The following BAIAP3 variants were observed in gnomAD, a reference collection of about 807,000 sequenced individuals.
BAIAP3 encodes BAI1-associated protein 3.
BAIAP3 carries 180 observed loss-of-function variants against 149.7 expected under a neutral mutation model. The observed-to-expected ratio is 1.20, with a 90% CI of 1.07 to 1.36. The LOEUF is 1.36. Ranked by LOEUF, BAIAP3 falls within the 40% of genes most tolerant of loss-of-function variation. The pLI is 0.00. For missense variants in BAIAP3, 1,767 were observed against 1,563.4 expected (o/e 1.13, Z -2.20); for synonymous variants, 845 against 670.7 (o/e 1.26, Z -4.02).
intron 2 of BAIAP3, 57 bp from the exon 3 acceptor site, chr16:1,338,845 G>A: frequency 4.4e-6 from 7 of 1,605,134 alleles, no homozygotes; most frequent in Non-Finnish European, 6.0e-6. Flanking sequence ...GGAGTCGAGG[G>A]TCCCAGGCAG....
Position 1,349,374 on chromosome 16 carries a change from A to T in BAIAP3, c.*892A>T. Reference sequence around the variant, plus strand: ...AGAGCCGAGGCTGCCAGGCCCATTTATGTCCCTCATGTCTCTAGATTTTCT... The same window carrying T: ...AGAGCCGAGGCTGCCAGGCCCATTTTTGTCCCTCATGTCTCTAGATTTTCT... On this transcript the variant is annotated 3_prime_UTR_variant, in exon 34 of 34. Transcript: ENST00000426824. The T allele has an allele frequency of 1.3e-6, 2 of 1,558,740 alleles. No homozygotes were observed. Among genetic ancestry groups the T allele is most frequent in the Non-Finnish European group, 1.8e-6 (2 of 1,130,834 alleles).
Position 1,344,073 on chromosome 16 carries a change from C to T in BAIAP3, c.1438C>T (p.Leu480=). ...CGCCTTCTCTGAGTTCGGGCTGCAGCTGCTGCGCCAGCTCCGAGACTACTT... is the reference window on the plus strand; with the variant it reads ...CGCCTTCTCTGAGTTCGGGCTGCAGTTGCTGCGCCAGCTCCGAGACTACTT... ...LSAFSEFGLQ[L]LRQLRDYFPA... The change falls in exon 16 of 34, where the codon CTG becomes TTG. Residue 480 remains leucine, a synonymous_variant. Transcript: ENST00000426824. 6 of 1,612,358 alleles carry T rather than the reference C, an allele frequency of 3.7e-6. No homozygotes were observed. The highest frequency in any genetic ancestry group is 5.1e-6 in the Non-Finnish European group (6 of 1,179,922).
chr16:1,345,864 C>CA lies in BAIAP3; in HGVS notation c.2183dup (p.Leu730AlafsTer11), dbSNP rs1246011367. ...GGCGTGGCCTGACCCTGCCCAGGCT[C>CA]AGGGGCTGGGCACCCAGCTTGGCCA... On this transcript the variant is annotated frameshift_variant, in exon 23 of 34. Coordinates refer to ENST00000426824, the MANE Select transcript of BAIAP3 (RefSeq NM_001199097.2). LOFTEE classifies it high-confidence loss of function. 2 of 1,578,980 alleles carry CA rather than the reference C, an allele frequency of 1.3e-6. No homozygotes were observed. The highest frequency in any genetic ancestry group is 4.6e-5 in the East Asian group (2 of 43,448).
chr16:1,337,858 G>T (rs1251471325), intron 1 of BAIAP3, among the ~76,000 whole-genome samples: 6 of 152,182 alleles, frequency 3.9e-5, no homozygotes, highest in Admixed American at 3.3e-4. Flanking sequence ...GCCCTGCTTT[G>T]TGGGGACACT....
rs2034147900 is a variant in BAIAP3, at chr16:1,344,229, G to A, written c.1514G>A (p.Cys505Tyr). ...AVHRLELLLKCLGKLQLFQPS... is the reference protein window; with the variant it reads ...AVHRLELLLKYLGKLQLFQPS... ...GTCAGCGTGCTGCCCCCACCCAGGT[G>A]TCTGGGCAAGCTGCAGCTCTTCCAA... Residue 505 changes from cysteine to tyrosine, a missense_variant and splice_region_variant, in exon 17 of 34, where the codon TGT becomes TAT. Cys to Tyr is a radical substitution (Grantham distance 194). Coordinates refer to ENST00000426824, the MANE Select transcript of BAIAP3 (RefSeq NM_001199097.2). The A allele has an allele frequency of 6.2e-7, 1 of 1,613,314 alleles. No homozygotes were observed. The highest frequency in any genetic ancestry group is 1.3e-5 in the African/African-American group (1 of 74,944).
chr16:1,344,738 G>A (rs1037346319), intron 19 of BAIAP3, 40 bp downstream of exon 19: 40 of 1,587,940 alleles, frequency 2.5e-5, no homozygotes, highest in South Asian at 4.4e-5. Context: ...GGCTGGGGTC[G>A]GAGCCAACAG....
chr16:1,343,878 A>T (rs1596578253), intron 15 of BAIAP3, 144 bp from the exon 16 acceptor site: 1 of 1,314,578 alleles, frequency 7.6e-7, no homozygotes, highest in Non-Finnish European at 1.0e-6. Context: ...GGACAGGCCG[A>T]CTGGGCCTGT....
chr16:1,337,358 G>C (rs1304218673), intron 1 of BAIAP3, among the ~76,000 whole-genome samples: 1 of 152,162 alleles, frequency 6.6e-6, no homozygotes, highest in East Asian at 1.9e-4. Flanking sequence ...TCCACTGAAA[G>C]TACAAAAAAA....
intron 3 of BAIAP3, 76 bp downstream of exon 3, chr16:1,339,065 T>TG: frequency 6.2e-7 from 1 of 1,602,992 alleles, no homozygotes; most frequent in Non-Finnish European, 8.5e-7. Context: ...CGCTCCCTCC[T>TG]GCCCTCGCTC....
chr16:1,342,943 A>G lies in BAIAP3; in HGVS notation c.1192A>G (p.Ser398Gly), dbSNP rs1395656510. ...PNSSSWRGELSTPAATILCLH... is the reference protein window; with the variant it reads ...PNSSSWRGELGTPAATILCLH... ...CTCCAGCAGCTGGCGAGGAGAGCTCAGCACACCAGCCGCCACCATCCTCTG... is the reference window on the plus strand; with the variant it reads ...CTCCAGCAGCTGGCGAGGAGAGCTCGGCACACCAGCCGCCACCATCCTCTG... The change falls in exon 14 of 34, where the codon AGC (serine) becomes GGC (glycine). Residue 398 changes from serine (S) to glycine (G), a missense_variant. Coordinates refer to ENST00000426824, the MANE Select transcript of BAIAP3 (RefSeq NM_001199097.2). The G allele has an allele frequency of 1.2e-6, 2 of 1,612,094 alleles. No homozygotes were observed. Among genetic ancestry groups the G allele is most frequent in the Non-Finnish European group, 1.7e-6 (2 of 1,179,986 alleles).
intron 3 of BAIAP3, 54 bp from the exon 4 acceptor site, chr16:1,339,110 C>A (rs2141571506): frequency 6.3e-7 from 1 of 1,579,910 alleles, no homozygotes; most frequent in African/African-American, 1.3e-5. Flanking sequence ...TTCCCTGCTG[C>A]AGGCCTGGGG....
Position 1,348,478 on chromosome 16 carries a change from C to A in BAIAP3, c.3455C>A (p.Pro1152His), listed in dbSNP as rs1567175992. ...CTGGAGAAGTGCATGGAGGCGGACC[C>A]CTGAGTCCATCAGCTGCCAGCCCCG... ...KELEKCMEAD[P>H] Residue 1152 changes from proline to histidine, a missense_variant, in exon 34 of 34, where the codon CCC becomes CAC. Coordinates refer to ENST00000426824, the MANE Select transcript of BAIAP3 (RefSeq NM_001199097.2). 3.3e-5 allele frequency: 53 copies of A among 1,607,630 alleles called. No homozygotes were observed. The highest frequency in any genetic ancestry group is 4.4e-5 in the Non-Finnish European group (52 of 1,177,802).
Position 1,346,199 on chromosome 16 carries a change from C to G in BAIAP3, c.2331C>G (p.Leu777=), listed in dbSNP as rs376257369. 3.1e-6 allele frequency: 5 copies of G among 1,612,046 alleles called. No individual in the cohort carries two copies. The African/African-American group carries it at 5.3e-5, about 17-fold the overall frequency. ...GCGTGGTCCTCAACAATGTGGAGCT[C>G]GTGCGCAAGGCTGCTGGGCAGGCCT... ...ALCVVLNNVE[L]VRKAAGQALK... The change falls in exon 25 of 34, where the codon CTC becomes CTG. Residue 777 remains leucine (L), a synonymous_variant. Transcript: ENST00000426824.
In BAIAP3 at chr16:1,349,372, T is replaced by G; in HGVS notation, c.*890T>G. 6 of 1,581,170 alleles carry G rather than the reference T, an allele frequency of 3.8e-6. No individual in the cohort carries two copies. Among genetic ancestry groups the G allele is most frequent in the African/African-American group, 1.3e-5 (1 of 74,340 alleles). Reference sequence around the variant, plus strand: ...AAAGAGCCGAGGCTGCCAGGCCCATTTATGTCCCTCATGTCTCTAGATTTT... The same window carrying G: ...AAAGAGCCGAGGCTGCCAGGCCCATGTATGTCCCTCATGTCTCTAGATTTT... On this transcript the variant is annotated 3_prime_UTR_variant, in exon 34 of 34. Transcript: ENST00000426824.
chr16:1,340,860 C>A, intron 5 of BAIAP3, 62 bp from the exon 6 acceptor site: 2 of 1,520,870 alleles, frequency 1.3e-6, no homozygotes, highest in Non-Finnish European at 1.8e-6. Context: ...GAGGTCCCAG[C>A]ACAGTGGCCA....
In BAIAP3 at chr16:1,348,624, G is replaced by A. The variant is rs979763315; in HGVS notation, c.*142G>A. ...ACGTGTGTGTCGTGGCTGGCCCCGC[G>A]GCGCCTACCGCCCTGGCCGTGTCTG... On this transcript the variant is annotated 3_prime_UTR_variant, in exon 34 of 34. Coordinates refer to ENST00000426824, the MANE Select transcript of BAIAP3 (RefSeq NM_001199097.2). 13 of 801,992 alleles carry A rather than the reference G, an allele frequency of 1.6e-5. No homozygotes were observed. Among genetic ancestry groups the A allele is most frequent in the East Asian group, 5.4e-5 (2 of 37,362 alleles). 49.7% of individuals were successfully genotyped at this position (801,992 alleles called of 1,614,324 possible). A position where few individuals can be genotyped will look rare whatever the true frequency, so the allele number is the denominator to read the frequency against.
Position 1,342,034 on chromosome 16 carries a change from T to G in BAIAP3, c.825T>G (p.Asn275Lys), listed in dbSNP as rs2033957953. The G allele has an allele frequency of 6.2e-7, 1 of 1,607,502 alleles. No individual in the cohort carries two copies. The highest frequency in any genetic ancestry group is 1.1e-5 in the South Asian group (1 of 90,246). ...VSLVEACRKL[N>K]EVIGLKGMGR... ...TGGTAGAAGCGTGCAGGAAGCTGAA[T>G]GAAGTCATCGGCCTGAAGGGCATGG... The change falls in exon 10 of 34, where the codon AAT (asparagine) becomes AAG (lysine). Residue 275 changes from asparagine to lysine, a missense_variant. Transcript: ENST00000426824.
chr16:1,347,088 T>G lies in BAIAP3; in HGVS notation c.2751+133T>G, dbSNP rs562837733. On this transcript the variant is annotated intron_variant, in intron 28 of 33. Transcript: ENST00000426824. ...CCACTCCAGGGCTGTCCACAGCGCC[T>G]CCTCCCGTTAATGCCGAGGTGTGGC... is the stretch of plus-strand genomic sequence containing the variant. 40 of 938,236 alleles carry G rather than the reference T, an allele frequency of 4.3e-5. No homozygotes were observed. In the African/African-American group the frequency reaches 4.6e-4, roughly 11 times the overall value. The allele number at this position is 938,236 out of a possible 1,614,324, so 58.1% of individuals were successfully genotyped here. A position where few individuals can be genotyped will look rare whatever the true frequency, so the allele number is the denominator to read the frequency against.
At chr16:1,334,460 G>A (rs1308903017) in intron 1 of BAIAP3, 3 of 589,048 alleles carry the variant, frequency 5.1e-6, no homozygotes, top group Non-Finnish European at 9.1e-6. Context: ...GCGAGGCGGG[G>A]CAGGGAGGGG....
Sources: gnomAD v4.1 joint callset for allele counts (sites outside exome capture counted in the v4.1 genomes callset) on GRCh38, gnomAD v4.1.1 for gene constraint, MANE v1.5 for transcripts, NCBI Gene and HGNC (gene_info 2026-07-23, HGNC 2026-07-21) for gene names.